The following RBM20 variants were observed in gnomAD, a reference collection of about 807,000 sequenced individuals.
RBM20 encodes the protein RNA-binding protein 20.
RBM20 carries 51 observed loss-of-function variants against 110.1 expected under a neutral mutation model. The ratio of observed to expected loss-of-function variants is 0.46; its 90% confidence interval spans 0.37 to 0.59. RBM20 has a LOEUF of 0.59. Among genes scored for constraint, RBM20 ranks in the 20% least tolerant of loss-of-function variants. The probability of loss-of-function intolerance (pLI) is 0.00; values close to 1 mark genes in which losing one functional copy is unlikely to be tolerated. For missense variants in RBM20, 1,512 were observed against 1,574.9 expected, an observed-to-expected ratio of 0.96 and a Z score of 0.68; for synonymous variants, 589 against 618.2, an observed-to-expected ratio of 0.95 and a Z score of 0.70.
intron 12 of RBM20, among the ~76,000 whole-genome samples, chr10:110,829,118 G>A (rs964348181): frequency 6.6e-6 from 1 of 152,228 alleles, no homozygotes; most frequent in Non-Finnish European, 1.5e-5. Flanking sequence ...GACTGAGAGT[G>A]TGGCTCTGAT....
chr10:110,649,531 A>G (rs1247299645), intron 1 of RBM20, among the ~76,000 whole-genome samples: 1 of 152,186 alleles, frequency 6.6e-6, no homozygotes, highest in Non-Finnish European at 1.5e-5. Flanking sequence ...CTCTCCCTTC[A>G]TCTGTCCTGG....
chr10:110,668,898 A>AC (rs1209985314), intron 1 of RBM20, among the ~76,000 whole-genome samples: 1 of 151,410 alleles, frequency 6.6e-6, no homozygotes, highest in African/African-American at 2.4e-5. Flanking sequence ...AAAAAAAAAA[A>AC]AACCAAAAAA....
intron 1 of RBM20, among the ~76,000 whole-genome samples, chr10:110,742,592 C>A (rs1362140258): frequency 6.6e-6 from 1 of 152,102 alleles, no homozygotes; most frequent in East Asian, 1.9e-4. Flanking sequence ...TTTTTCTTTA[C>A]CCCCGAACTT....
At chr10:110,768,184 A>C (rs1050718191) in intron 1 of RBM20, among the ~76,000 whole-genome samples, 2 of 152,210 alleles carry the variant, frequency 1.3e-5, no homozygotes, top group African/African-American at 4.8e-5. Context: ...GCAGCAGTAC[A>C]GTCCAGCTTC....
chr10:110,821,644 A>G lies in RBM20; in HGVS notation c.3025A>G (p.Lys1009Glu), dbSNP rs1344905271. ...TGGCCTAAATCTGGATGCTGAGCGGAAGCCAGCTGAAAGTGAGACAGGCCT... is the reference window on the plus strand; with the variant it reads ...TGGCCTAAATCTGGATGCTGAGCGGGAGCCAGCTGAAAGTGAGACAGGCCT... ...MPGLNLDAER[K>E]PAESETGLSL... The change falls in exon 11 of 14, where the codon AAG becomes GAG. Residue 1009 changes from lysine (K) to glutamate (E), a missense_variant. Lys to Glu is a moderately conservative substitution (Grantham distance 56, BLOSUM62 1). Coordinates refer to ENST00000369519, the MANE Select transcript of RBM20 (RefSeq NM_001134363.3). 6.4e-7 allele frequency: 1 copy of G among 1,551,658 alleles called. No individual in the cohort carries two copies. Among genetic ancestry groups the G allele is most frequent in the Non-Finnish European group, 8.7e-7 (1 of 1,147,020 alleles).
At chr10:110,728,740 A>C (rs757230728) in intron 1 of RBM20, among the ~76,000 whole-genome samples, 164 of 152,322 alleles carry the variant, frequency 1.1e-3, no homozygotes, top group Admixed American at 2.3e-3. Context: ...GTGGGTGGGC[A>C]GGTGTCATTA....
intron 1 of RBM20, among the ~76,000 whole-genome samples, chr10:110,684,669 A>G (rs1862475552): frequency 6.6e-6 from 1 of 152,246 alleles, no homozygotes. Context: ...GGGAAATTGC[A>G]TGCAAAATTC....
intron 5 of RBM20, among the ~76,000 whole-genome samples, chr10:110,797,207 C>T (rs1844560902): frequency 6.6e-6 from 1 of 152,094 alleles, no homozygotes; most frequent in African/African-American, 2.4e-5. Flanking sequence ...ATGGGAGAAT[C>T]ACTTGAGTCT....
intron 1 of RBM20, among the ~76,000 whole-genome samples, chr10:110,699,684 A>T (rs1280633589): frequency 3.3e-5 from 5 of 152,092 alleles, no homozygotes; most frequent in African/African-American, 7.2e-5. Context: ...CCCCTTATCC[A>T]TGGAGGATAT....
At chr10:110,698,630 G>C (rs1360220184) in intron 1 of RBM20, among the ~76,000 whole-genome samples, 1 of 152,196 alleles carries the variant, frequency 6.6e-6, no homozygotes, top group Non-Finnish European at 1.5e-5. Flanking sequence ...AGACAGCGTG[G>C]AACTGGATAC....
chr10:110,780,721 G>A (rs1844326072), intron 1 of RBM20, 80 bp from the exon 2 acceptor site: 1 of 1,425,772 alleles, frequency 7.0e-7, no homozygotes, highest in Non-Finnish European at 9.2e-7. Flanking sequence ...GTGGGAGGGG[G>A]GACCACAGAT....
intron 1 of RBM20, among the ~76,000 whole-genome samples, chr10:110,727,029 G>T (rs950069275): frequency 6.6e-6 from 1 of 151,884 alleles, no homozygotes; most frequent in Non-Finnish European, 1.5e-5. Context: ...TGTGTTTTTA[G>T]CAGAGACAGG....
At chr10:110,737,341 C>A (rs1001506110) in intron 1 of RBM20, among the ~76,000 whole-genome samples, 7 of 152,198 alleles carry the variant, frequency 4.6e-5, no homozygotes, top group Admixed American at 4.6e-4. Flanking sequence ...GACTTCCCAG[C>A]CTCCAGAACT....
intron 1 of RBM20, among the ~76,000 whole-genome samples, chr10:110,758,332 T>A (rs1170622563): frequency 1.3e-5 from 2 of 152,124 alleles, no homozygotes; most frequent in African/African-American, 4.8e-5. Flanking sequence ...TCCCTGTTCC[T>A]ATGGAGCTTA....
chr10:110,656,852 C>T (rs564499959), intron 1 of RBM20, among the ~76,000 whole-genome samples: 5 of 152,130 alleles, frequency 3.3e-5, no homozygotes, highest in Non-Finnish European at 7.4e-5. Flanking sequence ...GTACCGAAAA[C>T]GTTTTCTTTG....
chr10:110,806,334 G>A (rs564185717), intron 7 of RBM20, among the ~76,000 whole-genome samples: 42 of 152,206 alleles, frequency 2.8e-4, no homozygotes, highest in African/African-American at 9.9e-4. Context: ...ATTGGCTCAT[G>A]GTTCCACAGG....
At chr10:110,669,656 A>G (rs991036580) in intron 1 of RBM20, among the ~76,000 whole-genome samples, 5 of 152,244 alleles carry the variant, frequency 3.3e-5, no homozygotes, top group African/African-American at 1.2e-4. Flanking sequence ...CCCTGGGCTC[A>G]AGCGGTCCTC....
intron 1 of RBM20, among the ~76,000 whole-genome samples, chr10:110,663,357 G>A (rs1862132616): frequency 6.6e-6 from 1 of 152,176 alleles, no homozygotes; most frequent in African/African-American, 2.4e-5. Flanking sequence ...CAGGGAAGGG[G>A]GACGATCTCC....
intron 1 of RBM20, among the ~76,000 whole-genome samples, chr10:110,688,192 T>C (rs1393401866): frequency 6.6e-6 from 1 of 152,194 alleles, no homozygotes; most frequent in African/African-American, 2.4e-5. Context: ...GAAATACAAA[T>C]AGCTCTGAAA....
Sources: gnomAD v4.1 joint callset for allele counts (sites outside exome capture counted in the v4.1 genomes callset) on GRCh38, gnomAD v4.1.1 for gene constraint, MANE v1.5 for transcripts, NCBI Gene and HGNC (gene_info 2026-07-23, HGNC 2026-07-21) for gene names.